CAPN11: variants seen among roughly 807,000 people sequenced by gnomAD.
CAPN11 encodes calpain 11, also known as calpain-11.
Under a neutral mutation model 105.3 loss-of-function variants are expected in CAPN11, and 108 were observed. The observed-to-expected ratio is 1.03, with a 90% CI of 0.88 to 1.20. CAPN11 has a LOEUF of 1.20. CAPN11 is among the 50% of genes most tolerant of loss of function. The pLI is 0.00. For missense variants in CAPN11, 883 were observed against 924.8 expected (o/e 0.95, Z 0.59); for synonymous variants, 329 against 344.5 (o/e 0.96, Z 0.50).
At chr6:44,165,448 C>T (rs931075992) in intron 1 of CAPN11, among the ~76,000 whole-genome samples, 2 of 152,238 alleles carry the variant, frequency 1.3e-5, no homozygotes, top group Non-Finnish European at 2.9e-5. Flanking sequence ...GCTTGGCTTC[C>T]AGTCCTTGCT....
chr6:44,183,961 CCAG>C lies in CAPN11; in HGVS notation c.*43_*45del, dbSNP rs146568798. The C allele has an allele frequency of 3.4e-5, 53 of 1,550,252 alleles. No individual in the cohort carries two copies. The highest frequency in any genetic ancestry group is 1.7e-4 in the Middle Eastern group (1 of 5,786). ...CGCTGTAGGAGCCTGGTCATCTCTA[CCAG>C]CAGCAGCAGCAGCGAGGTTCTAGCC... On this transcript the variant is annotated 3_prime_UTR_variant, in exon 23 of 23. Coordinates refer to ENST00000398776, the MANE Select transcript of CAPN11 (RefSeq NM_007058.4).
Position 44,180,382 on chromosome 6 carries a change from A to G in CAPN11, c.1641-78A>G, listed in dbSNP as rs186376229. 4,138 of 1,381,270 alleles carry G rather than the reference A, an allele frequency of 3.0e-3. 53 individuals are homozygous for G. The highest frequency in any genetic ancestry group is 0.022 in the South Asian group (1,844 of 85,154). The allele number at this position is 1,381,270 out of a possible 1,614,324, so 85.6% of individuals were successfully genotyped here. On this transcript the variant is annotated intron_variant, in intron 14 of 22. Coordinates refer to ENST00000398776, the MANE Select transcript of CAPN11 (RefSeq NM_007058.4). ...CCCTATATTGCTTCAAAGACATGAC[A>G]TGACCCCCAGAGCACCCCACTAAAA...
In CAPN11 at chr6:44,183,643, T is replaced by C. The variant is rs1216987922; in HGVS notation, c.2135-62T>C. ...TCGCCCCTTCCTACCTAGTTGGGAG[T>C]GGTTCTTTCGGAACACTGACTTAGC... On this transcript the variant is annotated intron_variant, in intron 21 of 22. Coordinates refer to ENST00000398776, the MANE Select transcript of CAPN11 (RefSeq NM_007058.4). 7 of 1,503,712 alleles carry C rather than the reference T, an allele frequency of 4.7e-6. No individual in the cohort carries two copies. In the African/African-American group the frequency reaches 8.3e-5, roughly 18 times the overall value. 93.1% of individuals were successfully genotyped at this position (1,503,712 alleles called of 1,614,324 possible). A position where few individuals can be genotyped will look rare whatever the true frequency, so the allele number is the denominator to read the frequency against.
chr6:44,173,150 T>A, intron 6 of CAPN11, 68 bp from the exon 7 acceptor site: 1 of 1,600,340 alleles, frequency 6.2e-7, no homozygotes, highest in Non-Finnish European at 8.5e-7. Flanking sequence ...GGGGAGGGGG[T>A]AGCAGGACAT....
At chr6:44,177,042 G>A (rs763446074) in intron 11 of CAPN11, 44 bp downstream of exon 11, 1 of 1,593,186 alleles carries the variant, frequency 6.3e-7, no homozygotes, top group East Asian at 2.2e-5. Context: ...GGGAGTGAAG[G>A]ATGGGCCACG....
chr6:44,163,788 T>C (rs1561837975), intron 1 of CAPN11, among the ~76,000 whole-genome samples: 1 of 152,218 alleles, frequency 6.6e-6, no homozygotes, highest in Non-Finnish European at 1.5e-5. Context: ...TTACAGGCTC[T>C]GTGGAGAAGC....
rs755237071 is a variant in CAPN11 at position 44,169,409 on chromosome 6, T to C, written c.217T>C (p.Cys73Arg). 1 of 1,613,780 alleles carries C rather than the reference T, an allele frequency of 6.2e-7. No homozygotes were observed. The highest frequency in any genetic ancestry group is 8.5e-7 in the Non-Finnish European group (1 of 1,179,852). ...NQSFEELRAACLRKGELFEDP... is the reference protein window; with the variant it reads ...NQSFEELRAARLRKGELFEDP... ...GAGCTTTGAGGAGCTGCGAGCAGCCTGTCTAAGAAAGGGGGAGCTCTTCGA... is the reference window on the plus strand; with the variant it reads ...GAGCTTTGAGGAGCTGCGAGCAGCCCGTCTAAGAAAGGGGGAGCTCTTCGA... The change falls in exon 3 of 23, where the codon TGT (cysteine) becomes CGT (arginine). Residue 73 changes from cysteine to arginine, a missense_variant. Coordinates refer to ENST00000398776, the MANE Select transcript of CAPN11 (RefSeq NM_007058.4).
In CAPN11 at chr6:44,183,694, C is replaced by A; in HGVS notation, c.2135-11C>A. 6.2e-7 allele frequency: 1 copy of A among 1,613,614 alleles called. No individual in the cohort carries two copies. Among genetic ancestry groups the A allele is most frequent in the Non-Finnish European group, 8.5e-7 (1 of 1,179,698 alleles). On this transcript the variant is annotated splice_polypyrimidine_tract_variant and intron_variant, in intron 21 of 22. Coordinates refer to ENST00000398776, the MANE Select transcript of CAPN11 (RefSeq NM_007058.4). ...ATTCAGCCCCTCTCCCCCGCTTCCT[C>A]TGTAACGCAGCATTCTTTCTAACCA...
intron 4 of CAPN11, among the ~76,000 whole-genome samples, chr6:44,171,200 C>G (rs757601365): frequency 3.3e-5 from 5 of 152,162 alleles, no homozygotes; most frequent in African/African-American, 4.8e-5. Context: ...CTCAGCCTGG[C>G]GTAGGATGCA....
intron 6 of CAPN11, 51 bp from the exon 7 acceptor site, chr6:44,173,167 C>T (rs1332305262): frequency 6.2e-7 from 1 of 1,605,976 alleles, no homozygotes; most frequent in East Asian, 2.2e-5. Context: ...ACATCCCTCC[C>T]TCCCCTCACC....
At chr6:44,166,017 C>T (rs1312332911) in intron 1 of CAPN11, among the ~76,000 whole-genome samples, 1 of 151,974 alleles carries the variant, frequency 6.6e-6, no homozygotes, top group Non-Finnish European at 1.5e-5. Flanking sequence ...GGAGGGGATG[C>T]CCTTGTGAAG....
intron 2 of CAPN11, among the ~76,000 whole-genome samples, chr6:44,168,415 G>A (rs1276348326): frequency 2.0e-5 from 3 of 148,642 alleles, no homozygotes; most frequent in East Asian, 2.0e-4. Context: ...GATTACAGGC[G>A]CCCGCCACCA....
Position 44,183,157 on chromosome 6 carries a change from G to A in CAPN11, c.2056G>A (p.Ala686Thr). 6.2e-7 allele frequency: 1 copy of A among 1,613,494 alleles called. No homozygotes were observed. Among genetic ancestry groups the A allele is most frequent in the Non-Finnish European group, 8.5e-7 (1 of 1,179,602 alleles). Residue 686 changes from alanine to threonine, a missense_variant, in exon 21 of 23, where the codon GCC becomes ACC. Physicochemically the swap from Ala to Thr is moderately conservative, Grantham distance 58. Coordinates refer to ENST00000398776, the MANE Select transcript of CAPN11 (RefSeq NM_007058.4). ...CAACAAGGTAATGCAGGTCCTGGTG[G>A]CCAGGTATGCAGATGATGACCTGAT... ...LNNKVMQVLV[A>T]RYADDDLIID...
rs1015608466 is a variant in CAPN11, at chr6:44,158,862, C to CAGGT, written c.16+2_16+5dup. ...CTAGCCACCAGCATGCTGTACTCCC[C>CAGGT]AGGTAGGCACTCATGGGGCCTTGCC... On this transcript the variant is annotated frameshift_variant and splice_region_variant, in exon 1 of 23. Transcript: ENST00000398776. LOFTEE classifies it high-confidence loss of function. 3.9e-6 allele frequency: 6 copies of CAGGT among 1,551,232 alleles called. No individual in the cohort carries two copies. The Admixed American group carries it at 5.9e-5, about 15-fold the overall frequency.
Position 44,184,361 on chromosome 6 carries a change from A to C in CAPN11, c.*429A>C. On this transcript the variant is annotated 3_prime_UTR_variant, in exon 23 of 23. Transcript: ENST00000398776. ...TGGCACAGCCTCTGTTTTCCTCCCC[A>C]TCTGTGGATACTATTCTAATAAATA... 4.7e-6 allele frequency: 1 copy of C among 211,756 alleles called. No individual in the cohort carries two copies. The highest frequency in any genetic ancestry group is 9.6e-6 in the Non-Finnish European group (1 of 104,136). 13.1% of individuals were successfully genotyped at this position (211,756 alleles called of 1,614,324 possible). A position where few individuals can be genotyped will look rare whatever the true frequency, so the allele number is the denominator to read the frequency against.
chr6:44,180,928 C>G lies in CAPN11; in HGVS notation c.1805-5C>G. The G allele has an allele frequency of 6.2e-7, 1 of 1,613,434 alleles. No homozygotes were observed. The highest frequency in any genetic ancestry group is 8.5e-7 in the Non-Finnish European group (1 of 1,179,584). ...TCTCCTTTCTACCCCTTCCCTTCCT[C>G]ACAGTCAAAAGCTTCAAGACCAAGG... On this transcript the variant is annotated splice_polypyrimidine_tract_variant and splice_region_variant and intron_variant, in intron 17 of 22. Coordinates refer to ENST00000398776, the MANE Select transcript of CAPN11 (RefSeq NM_007058.4).
chr6:44,178,746 C>T (rs1310808936), intron 12 of CAPN11, among the ~76,000 whole-genome samples: 1 of 60,596 alleles, frequency 1.7e-5, no homozygotes, highest in Non-Finnish European at 2.9e-5. Context: ...GACCCTGTCT[C>T]GATTAAAAAA....
chr6:44,180,223 C>A, intron 14 of CAPN11, 60 bp downstream of exon 14: 2 of 1,262,418 alleles, frequency 1.6e-6, no homozygotes, highest in Non-Finnish European at 2.3e-6. Context: ...GGATATCAAG[C>A]TCAGGGAGCT....
At chr6:44,169,999 T>G (rs1770691337) in intron 4 of CAPN11, 24 bp downstream of exon 4, 1 of 1,586,446 alleles carries the variant, frequency 6.3e-7, no homozygotes, top group Non-Finnish European at 8.6e-7. Context: ...AGGAAGCTGG[T>G]CTCCACCTGG....
Sources: gnomAD v4.1 joint callset for allele counts (sites outside exome capture counted in the v4.1 genomes callset) on GRCh38, gnomAD v4.1.1 for gene constraint, MANE v1.5 for transcripts, NCBI Gene and HGNC (gene_info 2026-07-23, HGNC 2026-07-21) for gene names.